COL19A1: variants seen among roughly 807,000 people sequenced by gnomAD.
COL19A1 encodes the protein collagen type XIX alpha 1 chain.
A neutral mutation model predicts 190.2 loss-of-function variants in COL19A1; 159 were observed. The ratio of observed to expected loss-of-function variants is 0.84; its 90% CI spans 0.73 to 0.95. COL19A1 has a LOEUF of 0.95. Ranked by LOEUF, COL19A1 falls within the 40% of genes least tolerant of loss-of-function variation. The pLI is 0.00. For synonymous variants in COL19A1, 509 were observed against 458.9 expected, an observed-to-expected ratio of 1.11 and a Z score of -1.39; for missense variants, 1,418 against 1,431.9, an observed-to-expected ratio of 0.99 and a Z score of 0.16.
chr6:69,939,704 A>G (rs1773333874), intron 9 of COL19A1, among the ~76,000 whole-genome samples: 1 of 152,118 alleles, frequency 6.6e-6, no homozygotes, highest in Non-Finnish European at 1.5e-5. Flanking sequence ...ACATAGGTAA[A>G]TTGATGTGCC....
intron 6 of COL19A1, among the ~76,000 whole-genome samples, chr6:69,930,678 T>G (rs552405756): frequency 6.6e-6 from 1 of 152,014 alleles, no homozygotes; most frequent in Non-Finnish European, 1.5e-5. Flanking sequence ...ATTAGCCAGA[T>G]GTGGTGGCAC....
At chr6:69,876,521 T>A (rs534674572) in intron 1 of COL19A1, among the ~76,000 whole-genome samples, 1 of 152,226 alleles carries the variant, frequency 6.6e-6, no homozygotes, top group African/African-American at 2.4e-5. Flanking sequence ...GAATATTGAC[T>A]AAGTTAAGGC....
At chr6:70,091,886 A>G (rs1047854378) in intron 15 of COL19A1, among the ~76,000 whole-genome samples, 1 of 152,212 alleles carries the variant, frequency 6.6e-6, no homozygotes, top group African/African-American at 2.4e-5. Context: ...ACAGACTTCA[A>G]ATTACTTTTA....
rs775056920 is a variant in COL19A1, at chr6:70,151,454, G to C, written c.2079+16G>C. 4.3e-6 allele frequency: 7 copies of C among 1,609,656 alleles called. No individual in the cohort carries two copies. On this transcript the variant is annotated intron_variant, in intron 31 of 50. Transcript: ENST00000620364. ...TTTGCTCAAGGTACTCTATTGCTAT[G>C]TAAGAAATTATGTGTTAATTTCCAG...
At chr6:70,151,760 G>GT (rs1787074492) in intron 31 of COL19A1, among the ~76,000 whole-genome samples, 3 of 152,012 alleles carry the variant, frequency 2.0e-5, no homozygotes, top group Non-Finnish European at 4.4e-5. Flanking sequence ...CTCTCCTCTG[G>GT]AGGAACATCT....
chr6:69,965,874 G>A (rs1226922879), intron 11 of COL19A1, among the ~76,000 whole-genome samples: 11 of 152,144 alleles, frequency 7.2e-5, no homozygotes, highest in Admixed American at 7.2e-4. Context: ...TGAGGCAGGA[G>A]GGATGAAGGA....
At chr6:70,082,049 G>C (rs1782289335) in intron 15 of COL19A1, among the ~76,000 whole-genome samples, 2 of 152,126 alleles carry the variant, frequency 1.3e-5, no homozygotes, top group Non-Finnish European at 2.9e-5. Flanking sequence ...TTCTACATCA[G>C]TGAAAAGTTA....
chr6:70,153,469 C>T (rs1440747452), intron 31 of COL19A1, among the ~76,000 whole-genome samples: 6 of 152,026 alleles, frequency 3.9e-5, no homozygotes, highest in Non-Finnish European at 7.4e-5. Flanking sequence ...GACATTTTTC[C>T]AAGAATGTTA....
chr6:70,099,056 T>TAAAA (rs5877239), intron 15 of COL19A1, among the ~76,000 whole-genome samples: 1 of 75,888 alleles, frequency 1.3e-5, no homozygotes, highest in African/African-American at 5.2e-5. Context: ...ACCCTGTCTC[T>TAAAA]AAAAAAAAAA....
At chr6:70,166,053 A>C in intron 37 of COL19A1, 68 bp downstream of exon 37, 1 of 1,278,188 alleles carries the variant, frequency 7.8e-7, no homozygotes, top group Non-Finnish European at 1.1e-6. Flanking sequence ...CTCAGAGGTA[A>C]GACTACATTT....
intron 4 of COL19A1, among the ~76,000 whole-genome samples, chr6:69,923,496 G>A (rs946117847): frequency 2.0e-5 from 3 of 152,206 alleles, no homozygotes; most frequent in African/African-American, 7.2e-5. Flanking sequence ...ATCAGAGCTT[G>A]TAAGAATAGC....
At chr6:70,102,612 C>A (rs1258945163) in intron 16 of COL19A1, among the ~76,000 whole-genome samples, 1 of 152,142 alleles carries the variant, frequency 6.6e-6, no homozygotes, top group East Asian at 1.9e-4. Flanking sequence ...GGAAGCATAT[C>A]CACTTTTCTT....
At position 70,161,046 on chromosome 6, in the gene COL19A1, T is replaced by C. The variant is rs192196327; in HGVS notation, c.2293-854T>C. Among the ~76,000 whole-genome samples the C allele has an allele frequency of 2.6e-5, 4 of 152,294 alleles. No homozygotes were observed. The East Asian group carries it at 7.7e-4, about 29-fold the overall frequency. ...TAATCTTACCATTTCTTCCTTGATA[T>C]ATAAATGTATCAGCATCTTAAATCC... is the stretch of plus-strand genomic sequence containing the variant. On this transcript the variant is annotated intron_variant, in intron 34 of 50. Transcript: ENST00000620364.
At chr6:69,891,648 T>C (rs556107355) in intron 2 of COL19A1, among the ~76,000 whole-genome samples, 12 of 152,294 alleles carry the variant, frequency 7.9e-5, no homozygotes, top group African/African-American at 1.9e-4. Flanking sequence ...AGTGCCAAAG[T>C]GACTTTCACC....
At chr6:70,075,647 T>C (rs116158013) in intron 15 of COL19A1, among the ~76,000 whole-genome samples, 1,536 of 152,294 alleles carry the variant, frequency 0.01, 21 homozygotes, top group African/African-American at 0.035. Flanking sequence ...ATCCCTTAGA[T>C]AAGGTTAAAC....
chr6:70,065,483 T>C (rs957592223), intron 14 of COL19A1, among the ~76,000 whole-genome samples: 10 of 152,158 alleles, frequency 6.6e-5, no homozygotes, highest in Admixed American at 2.0e-4. Context: ...ACTTAAATGT[T>C]AGACCTAAAA....
At chr6:69,926,623 A>C (rs6938320) in intron 4 of COL19A1, among the ~76,000 whole-genome samples, 22 of 152,148 alleles carry the variant, frequency 1.4e-4, no homozygotes, top group Non-Finnish European at 2.6e-4. Flanking sequence ...AGAAAAATGA[A>C]CAGTTCCAAG....
At chr6:70,059,348 C>T (rs986802337) in intron 14 of COL19A1, among the ~76,000 whole-genome samples, 2 of 152,122 alleles carry the variant, frequency 1.3e-5, no homozygotes, top group Admixed American at 1.3e-4. Flanking sequence ...ATGTATCTTG[C>T]CTCTTTTCAC....
chr6:70,171,725 G>A (rs1472628041), intron 40 of COL19A1, among the ~76,000 whole-genome samples: 1 of 152,182 alleles, frequency 6.6e-6, no homozygotes, highest in Non-Finnish European at 1.5e-5. Context: ...TTCTCAATCA[G>A]AATGAAAATG....
Sources: gnomAD v4.1 joint callset for allele counts (sites outside exome capture counted in the v4.1 genomes callset) on GRCh38, gnomAD v4.1.1 for gene constraint, MANE v1.5 for transcripts, NCBI Gene and HGNC (gene_info 2026-07-23, HGNC 2026-07-21) for gene names.